LARP4B: variants seen among roughly 807,000 people sequenced by gnomAD.
The protein encoded by LARP4B is la-related protein 4B.
In LARP4B, 12 loss-of-function variants were observed where a neutral mutation model predicts 89.8. That is an observed-to-expected ratio of 0.13 (90% CI 0.09 to 0.22). The LOEUF is 0.22. Ranked by LOEUF, LARP4B falls within the 10% of genes least tolerant of loss-of-function variation. The pLI is 1.00. For missense variants in LARP4B, 757 were observed against 947.7 expected, an observed-to-expected ratio of 0.80 and a Z score of 2.64; for synonymous variants, 367 against 363.3, an observed-to-expected ratio of 1.01 and a Z score of -0.12.
chr10:864,399 TTGGAA>T, intron 3 of LARP4B, 129 bp from the exon 4 acceptor site: 2 of 724,544 alleles, frequency 2.8e-6, no homozygotes, highest in Non-Finnish European at 4.3e-6. Flanking sequence ...ATACACACCT[TTGGAA>T]TGAAATCAGG....
chr10:839,691 G>C (rs1434371855), intron 7 of LARP4B, among the ~76,000 whole-genome samples: 1 of 152,198 alleles, frequency 6.6e-6, no homozygotes, highest in Non-Finnish European at 1.5e-5. Flanking sequence ...ATCCCTGCTG[G>C]TGGTGGCCAA....
At chr10:922,071 C>T (rs901635643) in intron 1 of LARP4B, among the ~76,000 whole-genome samples, 1 of 151,170 alleles carries the variant, frequency 6.6e-6, no homozygotes, top group African/African-American at 2.4e-5. Flanking sequence ...ACAGACAGAG[C>T]GGAGGGGTCA....
the LARP4B span, among the ~76,000 whole-genome samples, chr10:937,528 T>A: frequency 1.3e-5 from 2 of 152,174 alleles, no homozygotes; most frequent in African/African-American, 4.8e-5. Context: ...TGAACAAATA[T>A]GTTAGACCCC....
rs561737165 is a variant in LARP4B, at chr10:835,762, G to A, written c.750+641C>T. The stretch of plus-strand genomic sequence containing the variant: ...AGCCTGGCCAAGATGGTGAAACCCC[G>A]TCTCTACTAAACATAGAAAAATTAG... On this transcript the variant is annotated intron_variant, in intron 8 of 17. Coordinates refer to ENST00000316157, the MANE Select transcript of LARP4B (RefSeq NM_015155.3). Among the ~76,000 whole-genome samples, 12 of 152,208 alleles carry A rather than the reference G, an allele frequency of 7.9e-5. No individual in the cohort carries two copies. In the Middle Eastern group the frequency reaches 0.02, roughly 259 times the overall value.
chr10:832,791 C>T (rs753984825), intron 8 of LARP4B, among the ~76,000 whole-genome samples: 12 of 152,116 alleles, frequency 7.9e-5, no homozygotes, highest in Admixed American at 2.0e-4. Flanking sequence ...AATTCATCAT[C>T]GGCAGACCTG....
At chr10:857,728 T>C (rs1237861773) in intron 5 of LARP4B, among the ~76,000 whole-genome samples, 3 of 152,198 alleles carry the variant, frequency 2.0e-5, no homozygotes, top group Non-Finnish European at 4.4e-5. Flanking sequence ...AACAAGAGTC[T>C]TTGCTGATTG....
chr10:972,740 A>G, the LARP4B span: 1 of 457,038 alleles, frequency 2.2e-6, no homozygotes, highest in Non-Finnish European at 4.4e-6. Context: ...TTGACAAGTA[A>G]ATGACATAAG....
the LARP4B span, among the ~76,000 whole-genome samples, chr10:945,343 C>G: frequency 1.3e-5 from 2 of 150,194 alleles, no homozygotes; most frequent in South Asian, 4.2e-4. Context: ...GAGATCACAC[C>G]ACTGCCCTCC....
chr10:984,531 A>G, the LARP4B span, among the ~76,000 whole-genome samples: 17 of 152,360 alleles, frequency 1.1e-4, no homozygotes, highest in South Asian at 6.2e-4. Flanking sequence ...GACGTGAGCA[A>G]GGGCAGAAGT....
intron 1 of LARP4B, among the ~76,000 whole-genome samples, chr10:926,708 T>TC (rs772323661): frequency 9.2e-5 from 14 of 152,150 alleles, no homozygotes; most frequent in Non-Finnish European, 1.3e-4. Context: ...ATTATCATAC[T>TC]CCCCCTAAAA....
At chr10:964,931 G>A in the LARP4B span, among the ~76,000 whole-genome samples, 7 of 152,236 alleles carry the variant, frequency 4.6e-5, no homozygotes, top group East Asian at 3.8e-4. Flanking sequence ...AGCCCTGGGA[G>A]TGAGGCTTAT....
Position 825,628 on chromosome 10 carries a change from C to CT in LARP4B, c.1232+135dup. The stretch of plus-strand genomic sequence containing the variant: ...CCCATGCCAGATTGTAGTGCTTAGT[C>CT]TTTACAGAATGCAGCTGTGTGCTTC... On this transcript the variant is annotated intron_variant, in intron 12 of 17. Transcript: ENST00000316157. 3 of 663,600 alleles carry CT rather than the reference C, an allele frequency of 4.5e-6. No individual in the cohort carries two copies. The South Asian group carries it at 5.9e-5, about 13-fold the overall frequency. The allele number at this position is 663,600 out of a possible 1,614,324, so 41.1% of individuals were successfully genotyped here.
At chr10:850,295 T>A (rs1833975303) in intron 5 of LARP4B, among the ~76,000 whole-genome samples, 1 of 152,160 alleles carries the variant, frequency 6.6e-6, no homozygotes, top group South Asian at 2.1e-4. Flanking sequence ...ACAAATGCAC[T>A]TTATTAAATA....
chr10:907,995 T>C (rs562240385), intron 1 of LARP4B, among the ~76,000 whole-genome samples: 35 of 152,220 alleles, frequency 2.3e-4, no homozygotes, highest in Non-Finnish European at 2.5e-4. Context: ...CACCTGAGGT[T>C]AGGAGTTCAA....
chr10:894,249 C>A (rs1564434872), intron 1 of LARP4B, among the ~76,000 whole-genome samples: 1 of 151,654 alleles, frequency 6.6e-6, no homozygotes, highest in East Asian at 1.9e-4. Flanking sequence ...GTAGTCGTGC[C>A]AAAAAAAGAG....
upstream of LARP4B, chr10:931,751 G>C (rs1830625255): frequency 6.6e-6 from 1 of 150,500 alleles, no homozygotes; most frequent in South Asian, 2.0e-4. Flanking sequence ...GCGGACCCGC[G>C]CCTCGCGCCC....
chr10:823,618 C>A (rs562286998), intron 13 of LARP4B, among the ~76,000 whole-genome samples: 1 of 151,504 alleles, frequency 6.6e-6, no homozygotes, highest in East Asian at 1.9e-4. Flanking sequence ...TCTAGTCTGC[C>A]TCCTTCCACA....
At chr10:909,382 A>G (rs958869053) in intron 1 of LARP4B, among the ~76,000 whole-genome samples, 4 of 152,084 alleles carry the variant, frequency 2.6e-5, no homozygotes, top group East Asian at 3.8e-4. Context: ...CAATCTTCAA[A>G]TATTAGGCAT....
Position 817,639 on chromosome 10 carries a change from T to G in LARP4B, c.1695+86A>C, listed in dbSNP as rs1588846870. ...CTCTCTTGAGTATTAAAAACAAACATGTATAAAGAGCTCAGCAAAGCGCCT... is the reference window on the plus strand; with the variant it reads ...CTCTCTTGAGTATTAAAAACAAACAGGTATAAAGAGCTCAGCAAAGCGCCT... On this transcript the variant is annotated intron_variant, in intron 15 of 17. Coordinates refer to ENST00000316157, the MANE Select transcript of LARP4B (RefSeq NM_015155.3). 3.1e-6 allele frequency: 4 copies of G among 1,290,640 alleles called. No homozygotes were observed. In the Admixed American group the frequency reaches 5.8e-5, roughly 19 times the overall value. The allele number at this position is 1,290,640 out of a possible 1,614,324, so 79.9% of individuals were successfully genotyped here.
Sources: gnomAD v4.1 joint callset for allele counts (sites outside exome capture counted in the v4.1 genomes callset) on GRCh38, gnomAD v4.1.1 for gene constraint, MANE v1.5 for transcripts, NCBI Gene and HGNC (gene_info 2026-07-23, HGNC 2026-07-21) for gene names.